PPFIA3: variants seen among roughly 807,000 people sequenced by gnomAD.
PPFIA3 encodes the protein liprin-alpha-3.
Under a neutral mutation model 145.8 loss-of-function variants are expected in PPFIA3, and 26 were observed. The ratio of observed to expected loss-of-function variants is 0.18; its 90% CI spans 0.13 to 0.25. PPFIA3 has a LOEUF of 0.25. Ranked by LOEUF, PPFIA3 falls within the 10% of genes least tolerant of loss-of-function variation. PPFIA3 has a pLI of 1.00. For missense variants in PPFIA3, 1,008 were observed against 1,587.8 expected (o/e 0.63, Z 6.21); for synonymous variants, 645 against 661.4 (o/e 0.98, Z 0.38).
At chr19:49,142,141 C>A in intron 20 of PPFIA3, 26 bp downstream of exon 20, 1 of 1,549,666 alleles carries the variant, frequency 6.5e-7, no homozygotes, top group Non-Finnish European at 8.7e-7. Context: ...AATGCCCTGA[C>A]TGTTGGTCCC....
Position 49,128,243 on chromosome 19 carries a change from T to G in PPFIA3, c.241-124T>G. ...AGGCTTGCCGTTAATGGGCGGGGCC[T>G]GAGTGGCAAGGGACAGCGGGACTTA... On this transcript the variant is annotated intron_variant, in intron 2 of 29. Coordinates refer to ENST00000334186, the MANE Select transcript of PPFIA3 (RefSeq NM_003660.4). This position sits in a 1 kb window ranked among gnomAD's most constrained non-coding sequence, Gnocchi z 4.1. 1.3e-6 allele frequency: 2 copies of G among 1,498,560 alleles called. No homozygotes were observed. Among genetic ancestry groups the G allele is most frequent in the South Asian group, 1.2e-5 (1 of 81,894 alleles). 92.8% of individuals were successfully genotyped at this position (1,498,560 alleles called of 1,614,324 possible).
In PPFIA3 at chr19:49,133,807, T is replaced by C; in HGVS notation, c.1173T>C (p.Arg391=). 6.2e-7 allele frequency: 1 copy of C among 1,613,176 alleles called. No individual in the cohort carries two copies. The highest frequency in any genetic ancestry group is 1.1e-5 in the South Asian group (1 of 91,012). Residue 391 remains arginine (R), a synonymous_variant, in exon 10 of 30, where the codon CGT becomes CGC. Coordinates refer to ENST00000334186, the MANE Select transcript of PPFIA3 (RefSeq NM_003660.4). This position sits in a 1 kb window ranked among gnomAD's most constrained non-coding sequence, Gnocchi z 7.2. The part of the protein sequence containing the change: ...RVAALNKAEE[R]HGNFEERLRQ... ...GTTCCATCTCCTAGGCCGAGGAACG[T>C]CATGGGAATTTTGAGGAGCGGCTTC...
intron 21 of PPFIA3, 178 bp from the exon 22 acceptor site, chr19:49,145,765 T>C (rs1311477873): frequency 8.0e-6 from 5 of 627,930 alleles, no homozygotes; most frequent in Non-Finnish European, 1.1e-5. Context: ...CAAAGTCACA[T>C]TGCCTGGTAC....
At chr19:49,123,445 A>G (rs1248626569) in intron 1 of PPFIA3, among the ~76,000 whole-genome samples, 3 of 148,054 alleles carry the variant, frequency 2.0e-5, no homozygotes, top group African/African-American at 7.5e-5. Context: ...CTAATTTCAC[A>G]TTCTTTTTTT....
intron 22 of PPFIA3, 32 bp downstream of exon 22, chr19:49,146,037 G>A (rs1183818306): frequency 6.2e-7 from 1 of 1,611,498 alleles, no homozygotes; most frequent in South Asian, 1.1e-5. Context: ...CCTTGGGGGT[G>A]GCACTAACCT....
chr19:49,126,612 T>A (rs911182369), intron 1 of PPFIA3, among the ~76,000 whole-genome samples: 22 of 150,846 alleles, frequency 1.5e-4, no homozygotes, highest in African/African-American at 5.4e-4. Flanking sequence ...CTTTAGATTC[T>A]TAGGGAGCCG....
intron 23 of PPFIA3, among the ~76,000 whole-genome samples, chr19:49,147,686 A>G (rs867340013): frequency 2.1e-5 from 3 of 145,710 alleles, no homozygotes; most frequent in Admixed American, 6.9e-5. Flanking sequence ...CTCTTTCAGA[A>G]AGAGAGAGAG....
chr19:49,143,087 T>C, intron 21 of PPFIA3, 83 bp downstream of exon 21: 1 of 1,447,146 alleles, frequency 6.9e-7, no homozygotes, highest in Non-Finnish European at 9.5e-7. Flanking sequence ...CTGGGCCTGC[T>C]CACTCCCCTG....
rs776187369 is a variant in PPFIA3, at chr19:49,141,407, T to C, written c.2369-13T>C. 5.4e-5 allele frequency: 87 copies of C among 1,611,556 alleles called. No individual in the cohort carries two copies. The highest frequency in any genetic ancestry group is 1.1e-4 in the African/African-American group (8 of 74,814). On this transcript the variant is annotated splice_polypyrimidine_tract_variant and intron_variant, in intron 18 of 29. Transcript: ENST00000334186. ...TTGAGATTTTCCAAATTTCGACCCC[T>C]CCCTGCCTCCAGCTGGAACACCCTC...
Position 49,150,346 on chromosome 19 carries a change from AC to A in PPFIA3, c.*126del. ...CGGGGGAGCTCGCGCCGAGGACTGGACCATCTGTACAGACCAGCGGGAGTGC... is the reference window on the plus strand; with the variant it reads ...CGGGGGAGCTCGCGCCGAGGACTGGACATCTGTACAGACCAGCGGGAGTGC... On this transcript the variant is annotated 3_prime_UTR_variant, in exon 30 of 30. Coordinates refer to ENST00000334186, the MANE Select transcript of PPFIA3 (RefSeq NM_003660.4). 1 of 593,670 alleles carries A rather than the reference AC, an allele frequency of 1.7e-6. No individual in the cohort carries two copies. The highest frequency in any genetic ancestry group is 2.9e-6 in the Non-Finnish European group (1 of 340,032). 36.8% of individuals were successfully genotyped at this position (593,670 alleles called of 1,614,324 possible). A position where few individuals can be genotyped will look rare whatever the true frequency, so the allele number is the denominator to read the frequency against.
intron 21 of PPFIA3, among the ~76,000 whole-genome samples, chr19:49,144,407 G>A (rs2041257853): frequency 1.3e-5 from 2 of 152,130 alleles, no homozygotes; most frequent in Non-Finnish European, 2.9e-5. Flanking sequence ...TCCTCTTGTG[G>A]CTTCGTGTCA....
Position 49,133,959 on chromosome 19 carries a change from G to T in PPFIA3, c.1246-75G>T, listed in dbSNP as rs932232203. ...TAATAAGGAGGCTGGGCTGGGCCCG[G>T]GGGTGGGGCTTAGAGGAAGGGCCGT... On this transcript the variant is annotated intron_variant, in intron 10 of 29. Transcript: ENST00000334186. The surrounding 1 kb of genome is among the most constrained non-coding windows in gnomAD (Gnocchi z 7.2). 2.5e-6 allele frequency: 4 copies of T among 1,606,136 alleles called. No homozygotes were observed. Among genetic ancestry groups the T allele is most frequent in the African/African-American group, 1.3e-5 (1 of 74,646 alleles).
intron 13 of PPFIA3, 66 bp downstream of exon 13, chr19:49,134,981 C>T: frequency 7.4e-7 from 1 of 1,356,518 alleles, no homozygotes; most frequent in South Asian, 1.5e-5. Flanking sequence ...AAGCTCCTCC[C>T]TTCTGATCCC....
intron 7 of PPFIA3, among the ~76,000 whole-genome samples, chr19:49,132,742 C>T (rs761478202): frequency 9.2e-5 from 14 of 152,174 alleles, no homozygotes; most frequent in Non-Finnish European, 2.9e-5. Context: ...CTTCACATCC[C>T]ACAGGCCTCA....
chr19:49,139,271 G>C (rs2041180180), intron 16 of PPFIA3, among the ~76,000 whole-genome samples: 1 of 151,398 alleles, frequency 6.6e-6, no homozygotes, highest in South Asian at 2.1e-4. Flanking sequence ...GTTGCAGTGA[G>C]CTGAGATCAT....
intron 20 of PPFIA3, among the ~76,000 whole-genome samples, chr19:49,142,453 A>T (rs958730985): frequency 4.7e-5 from 7 of 150,132 alleles, no homozygotes; most frequent in Non-Finnish European, 1.0e-4. Flanking sequence ...ATTTCTCCTC[A>T]TGTCTCCGAT....
chr19:49,133,299 G>C lies in PPFIA3; in HGVS notation c.1089G>C (p.Gln363His), dbSNP rs746756493. The stretch of plus-strand genomic sequence containing the variant: ...ACGACGCCAAGCAGAAGCTGCAGCA[G>C]ACGCTGCAGAAAGCGGAGACCTTGC... ...WLDDAKQKLQ[Q>H]TLQKAETLPE... Residue 363 changes from glutamine to histidine, a missense_variant, in exon 9 of 30, where the codon CAG becomes CAC. By Grantham distance (24) the Gln-to-His change is conservative. Transcript: ENST00000334186. This position sits in a 1 kb window ranked among gnomAD's most constrained non-coding sequence, Gnocchi z 7.2. 6 of 1,610,686 alleles carry C rather than the reference G, an allele frequency of 3.7e-6. No homozygotes were observed. In the Admixed American group the frequency reaches 1.0e-4, roughly 27 times the overall value.
chr19:49,142,010 A>T (rs1382021398), intron 19 of PPFIA3, 24 bp from the exon 20 acceptor site: 1 of 1,550,692 alleles, frequency 6.4e-7, no homozygotes, highest in East Asian at 2.4e-5. Context: ...GACAGCTTCT[A>T]TCCTGGCCCC....
intron 22 of PPFIA3, 22 bp from the exon 23 acceptor site, chr19:49,146,144 C>G (rs1481340945): frequency 6.2e-7 from 1 of 1,614,186 alleles, no homozygotes; most frequent in East Asian, 2.2e-5. Flanking sequence ...CCTTCTCTCC[C>G]CTCTTCCTAC....
Sources: allele counts gnomAD v4.1 joint callset (sites outside exome capture counted in the v4.1 genomes callset), GRCh38; gene constraint gnomAD v4.1.1; non-coding constraint Gnocchi (gnomAD v3.1); transcripts MANE v1.5; gene names NCBI Gene and HGNC (gene_info 2026-07-23, HGNC 2026-07-21).